Variants in GALNT13 observed in about 807,000 individuals in gnomAD.
The protein encoded by GALNT13 is polypeptide N-acetylgalactosaminyltransferase 13.
GALNT13 carries 28 observed loss-of-function variants against 64.2 expected under a neutral mutation model. The observed-to-expected ratio is 0.44, with a 90% CI of 0.32 to 0.60. The LOEUF (loss-of-function observed/expected upper bound fraction) is 0.60, where lower values mean the gene tolerates loss of function less well. Ranked by LOEUF, GALNT13 falls within the 20% of genes least tolerant of loss-of-function variation. The pLI is 0.05. For synonymous variants in GALNT13, 214 were observed against 224.6 expected, an observed-to-expected ratio of 0.95 and a Z score of 0.42; for missense variants, 577 against 669.8, an observed-to-expected ratio of 0.86 and a Z score of 1.53.
At chr2:153,093,300 A>G in the GALNT13 span, among the ~76,000 whole-genome samples, 2 of 141,186 alleles carry the variant, frequency 1.4e-5, no homozygotes, top group African/African-American at 5.3e-5. Context: ...GTGCAGTGGC[A>G]TGATCTCAGC....
the GALNT13 span, among the ~76,000 whole-genome samples, chr2:153,154,640 C>T: frequency 3.7e-4 from 57 of 152,024 alleles, no homozygotes; most frequent in African/African-American, 1.3e-3. Flanking sequence ...AGCTTTGGGC[C>T]GAGAATGGGG....
the GALNT13 span, among the ~76,000 whole-genome samples, chr2:153,804,442 G>T: frequency 6.6e-6 from 1 of 152,236 alleles, no homozygotes; most frequent in East Asian, 1.9e-4. Context: ...ATTCCAAAGT[G>T]TCGGGATTAT....
chr2:154,204,063 C>T (rs1687311148), intron 4 of GALNT13, among the ~76,000 whole-genome samples: 1 of 152,166 alleles, frequency 6.6e-6, no homozygotes, highest in Non-Finnish European at 1.5e-5. Context: ...TTGATCCAAA[C>T]ACACAGGCCA....
rs533904624 is a variant in GALNT13 at position 154,288,592 on chromosome 2, C to T, written c.976-12817C>T. On this transcript the variant is annotated intron_variant, in intron 8 of 12. Coordinates refer to ENST00000392825, the MANE Select transcript of GALNT13 (RefSeq NM_052917.4). ...TGGGGGTACAGTCATTCAGAAAATA[C>T]GGCTGTTCCAAATAGGAGAAATTGG... 4.1e-4 allele frequency among the ~76,000 whole-genome samples: 62 copies of T among 152,260 alleles called. 1 individual carries two copies. Among genetic ancestry groups the T allele is most frequent in the South Asian group, 3.9e-3 (19 of 4,824 alleles).
the GALNT13 span, among the ~76,000 whole-genome samples, chr2:153,854,854 C>T: frequency 6.6e-6 from 1 of 151,996 alleles, no homozygotes; most frequent in African/African-American, 2.4e-5. Flanking sequence ...ATAATCAGTT[C>T]AATTTTGGAA....
the GALNT13 span, among the ~76,000 whole-genome samples, chr2:153,838,431 G>A: frequency 6.6e-6 from 1 of 151,896 alleles, no homozygotes; most frequent in East Asian, 1.9e-4. Context: ...TGTATGTGGT[G>A]TAAGATAAGG....
At chr2:153,439,481 C>T in the GALNT13 span, among the ~76,000 whole-genome samples, 1 of 152,184 alleles carries the variant, frequency 6.6e-6, no homozygotes, top group Non-Finnish European at 1.5e-5. Flanking sequence ...TTCGAGCTTC[C>T]TGGCTGCTTT....
chr2:154,044,117 A>G (rs1156657868), intron 3 of GALNT13, among the ~76,000 whole-genome samples: 2 of 152,046 alleles, frequency 1.3e-5, no homozygotes, highest in South Asian at 2.1e-4. Flanking sequence ...ATTTGGGCTT[A>G]GTAAATATAG....
At chr2:153,835,869 G>A in the GALNT13 span, among the ~76,000 whole-genome samples, 1 of 151,836 alleles carries the variant, frequency 6.6e-6, no homozygotes, top group African/African-American at 2.4e-5. Flanking sequence ...TGACTGATCT[G>A]GCCATTCTAA....
the GALNT13 span, among the ~76,000 whole-genome samples, chr2:153,497,428 G>A: frequency 6.7e-6 from 1 of 149,636 alleles, no homozygotes; most frequent in Non-Finnish European, 1.5e-5. Context: ...GCTTATTGGT[G>A]CTTGACACAC....
chr2:153,385,638 G>T, the GALNT13 span, among the ~76,000 whole-genome samples: 1 of 151,868 alleles, frequency 6.6e-6, no homozygotes, highest in Non-Finnish European at 1.5e-5. Context: ...TTGATAGAGT[G>T]ATTATAGTCA....
chr2:153,933,808 A>C (rs960908339), intron 2 of GALNT13, among the ~76,000 whole-genome samples: 4 of 152,118 alleles, frequency 2.6e-5, no homozygotes, highest in Admixed American at 1.3e-4. Flanking sequence ...AACAAATTCC[A>C]TTAGCTTGTC....
chr2:153,250,506 T>C, the GALNT13 span, among the ~76,000 whole-genome samples: 1 of 152,192 alleles, frequency 6.6e-6, no homozygotes, highest in South Asian at 2.1e-4. Flanking sequence ...AGAAATACCA[T>C]TTGATCCATC....
At chr2:153,936,726 A>ATT (rs757532983) in intron 2 of GALNT13, among the ~76,000 whole-genome samples, 4 of 146,258 alleles carry the variant, frequency 2.7e-5, no homozygotes, top group Admixed American at 6.9e-5. Context: ...ATTAAATTTA[A>ATT]TTTTTTTTTT....
chr2:153,781,227 C>G, the GALNT13 span, among the ~76,000 whole-genome samples: 1 of 152,124 alleles, frequency 6.6e-6, no homozygotes, highest in African/African-American at 2.4e-5. Context: ...TATTTTGCCA[C>G]TTTAAGATGC....
the GALNT13 span, among the ~76,000 whole-genome samples, chr2:153,630,807 ATTTT>A: frequency 0.037 from 811 of 21,740 alleles, 14 homozygotes; most frequent in South Asian, 0.056. Context: ...ATATATATAT[ATTTT>A]TTTTTTTTTT....
At chr2:153,096,058 A>AATAAATAT in the GALNT13 span, among the ~76,000 whole-genome samples, 18 of 152,032 alleles carry the variant, frequency 1.2e-4, no homozygotes, top group African/African-American at 4.3e-4. Context: ...TAAATAAATA[A>AATAAATAT]ATAAATATAA....
intron 3 of GALNT13, among the ~76,000 whole-genome samples, chr2:154,001,428 CTATTA>C (rs1171773655): frequency 6.6e-6 from 1 of 151,580 alleles, no homozygotes; most frequent in East Asian, 1.9e-4. Flanking sequence ...TTTAATGCAT[CTATTA>C]TAAGTTTTTG....
intron 3 of GALNT13, among the ~76,000 whole-genome samples, chr2:154,048,379 G>T (rs1699397832): frequency 6.6e-6 from 1 of 151,964 alleles, no homozygotes; most frequent in Non-Finnish European, 1.5e-5. Context: ...GTACTCTGGG[G>T]GTAAAACTAC....
Sources: gnomAD v4.1 joint callset for allele counts (sites outside exome capture counted in the v4.1 genomes callset) on GRCh38, gnomAD v4.1.1 for gene constraint, MANE v1.5 for transcripts, NCBI Gene and HGNC (gene_info 2026-07-23, HGNC 2026-07-21) for gene names.